Variants in CAST observed in about 807,000 individuals in gnomAD.
The protein encoded by CAST is calpastatin.
CAST carries 76 observed loss-of-function variants against 119.6 expected under a neutral mutation model. The ratio of observed to expected loss-of-function variants is 0.64; its 90% confidence interval spans 0.53 to 0.77. The LOEUF (loss-of-function observed/expected upper bound fraction) is 0.77, where lower values mean the gene tolerates loss of function less well. Among genes scored for constraint, CAST ranks in the 30% least tolerant of loss-of-function variants. The probability of loss-of-function intolerance (pLI) is 0.00; values close to 1 mark genes in which losing one functional copy is unlikely to be tolerated. For missense variants in CAST, 953 were observed against 946.5 expected, an observed-to-expected ratio of 1.01 and a Z score of -0.09; for synonymous variants, 319 against 331.6, an observed-to-expected ratio of 0.96 and a Z score of 0.41.
At chr5:96,373,734 CT>C in the CAST span, among the ~76,000 whole-genome samples, 1 of 151,896 alleles carries the variant, frequency 6.6e-6, no homozygotes, top group Non-Finnish European at 1.5e-5. Flanking sequence ...CATTTCATTT[CT>C]TTTTTTCTTC....
chr5:96,491,174 T>C, the CAST span, among the ~76,000 whole-genome samples: 1 of 152,078 alleles, frequency 6.6e-6, no homozygotes, highest in African/African-American at 2.4e-5. Context: ...ATCTGTACAC[T>C]CACCAGAGTG....
At chr5:96,676,228 A>G (rs1750695976) in intron 2 of CAST, among the ~76,000 whole-genome samples, 1 of 152,160 alleles carries the variant, frequency 6.6e-6, no homozygotes, top group South Asian at 2.1e-4. Context: ...GCCTTCCTTT[A>G]CCTGCTTTTT....
chr5:96,544,696 G>T (rs1328491335), intron 1 of CAST, among the ~76,000 whole-genome samples: 1 of 151,738 alleles, frequency 6.6e-6, no homozygotes, highest in Non-Finnish European at 1.5e-5. Flanking sequence ...GATAAAAGGA[G>T]ATTTAGAAAA....
In CAST at chr5:96,561,796, G is replaced by GT. The variant is rs11375615; in HGVS notation, c.60+31930dup. On this transcript the variant is annotated intron_variant, in intron 1 of 11. Transcript: ENST00000505143. The stretch of plus-strand genomic sequence containing the variant: ...GTGTATTATATATATGTTTTTTTTT[G>GT]TTTTTTTTTTTTTTGAGACGGAGTC... Among the ~76,000 whole-genome samples the GT allele has an allele frequency of 2.0e-3, 198 of 97,402 alleles. 12 individuals are homozygous for GT. Among genetic ancestry groups the GT allele is most frequent in the African/African-American group, 5.8e-3 (152 of 26,030 alleles). The allele number at this position is 97,402 out of a possible 152,430, so 63.9% of individuals were successfully genotyped here.
chr5:96,330,491 C>G, the CAST span, among the ~76,000 whole-genome samples: 1 of 152,200 alleles, frequency 6.6e-6, no homozygotes, highest in African/African-American at 2.4e-5. Flanking sequence ...AATGGTCACA[C>G]CTTTTCAATA....
At chr5:95,997,265 C>T in the CAST span, among the ~76,000 whole-genome samples, 1 of 152,150 alleles carries the variant, frequency 6.6e-6, no homozygotes, top group African/African-American at 2.4e-5. Flanking sequence ...AAGAGGGTGT[C>T]TTTATCTAGA....
chr5:96,177,837 G>A, the CAST span, among the ~76,000 whole-genome samples: 3,844 of 152,278 alleles, frequency 0.025, 175 homozygotes, highest in African/African-American at 0.089. Context: ...ACTCTGGTCC[G>A]TTTGGAGACG....
At chr5:96,599,013 G>T (rs948377180) in intron 1 of CAST, among the ~76,000 whole-genome samples, 1 of 152,122 alleles carries the variant, frequency 6.6e-6, no homozygotes, top group African/African-American at 2.4e-5. Flanking sequence ...CAGACTGGAG[G>T]TCTCCAGCTT....
At chr5:96,142,840 C>T in the CAST span, among the ~76,000 whole-genome samples, 6 of 152,196 alleles carry the variant, frequency 3.9e-5, no homozygotes, top group Admixed American at 3.9e-4. Flanking sequence ...ATCTGAAACA[C>T]CTTCACAGGG....
the CAST span, among the ~76,000 whole-genome samples, chr5:96,009,827 G>T: frequency 6.6e-6 from 1 of 151,998 alleles, no homozygotes; most frequent in Non-Finnish European, 1.5e-5. Context: ...TTTTGTTTTT[G>T]TTGCAATTGC....
chr5:96,374,878 G>A, the CAST span, among the ~76,000 whole-genome samples: 1 of 152,130 alleles, frequency 6.6e-6, no homozygotes, highest in South Asian at 2.1e-4. Flanking sequence ...TCAATCTCGG[G>A]TATGATCAGG....
At chr5:96,424,648 T>C in the CAST span, among the ~76,000 whole-genome samples, 1 of 152,174 alleles carries the variant, frequency 6.6e-6, no homozygotes, top group African/African-American at 2.4e-5. Flanking sequence ...TCTCTTCTGC[T>C]GCAATGAGCA....
the CAST span, among the ~76,000 whole-genome samples, chr5:96,140,684 G>A: frequency 1.3e-5 from 2 of 152,164 alleles, no homozygotes; most frequent in African/African-American, 4.8e-5. Context: ...TGGTGCGAGA[G>A]TTATGTTGGG....
the CAST span, chr5:96,408,436 T>C: frequency 1.3e-6 from 1 of 744,750 alleles, no homozygotes; most frequent in East Asian, 2.7e-5. Flanking sequence ...GAAACTCAGC[T>C]GATTCGATTG....
intron 1 of CAST, among the ~76,000 whole-genome samples, chr5:96,670,298 C>T (rs535549958): frequency 6.6e-6 from 1 of 152,078 alleles, no homozygotes; most frequent in South Asian, 2.1e-4. Context: ...AGGGTGGTCA[C>T]AACCATCAGC....
At chr5:96,361,920 G>C in the CAST span, among the ~76,000 whole-genome samples, 1 of 147,038 alleles carries the variant, frequency 6.8e-6, no homozygotes, top group African/African-American at 2.5e-5. Flanking sequence ...GTGCCATGTT[G>C]GTGTGCTGCA....
At chr5:96,693,878 T>C (rs1348330380) in intron 2 of CAST, among the ~76,000 whole-genome samples, 1 of 152,134 alleles carries the variant, frequency 6.6e-6, no homozygotes, top group Non-Finnish European at 1.5e-5. Context: ...TTTTTTTCTT[T>C]CCTTGGTTGA....
the CAST span, among the ~76,000 whole-genome samples, chr5:96,072,412 T>C: frequency 1.3e-5 from 2 of 152,222 alleles, no homozygotes; most frequent in African/African-American, 4.8e-5. Flanking sequence ...AGTGTCTTCA[T>C]GACTTAAATG....
chr5:96,230,497 T>C, the CAST span, among the ~76,000 whole-genome samples: 1 of 152,170 alleles, frequency 6.6e-6, no homozygotes, highest in Non-Finnish European at 1.5e-5. Context: ...TAAATCTCAC[T>C]TTCCATTCAT....
Sources: gnomAD v4.1 joint callset for allele counts (sites outside exome capture counted in the v4.1 genomes callset) on GRCh38, gnomAD v4.1.1 for gene constraint, MANE v1.5 for transcripts, NCBI Gene and HGNC (gene_info 2026-07-23, HGNC 2026-07-21) for gene names.